The following POU2F1 variants were observed in gnomAD, a reference collection of about 807,000 sequenced individuals.
The protein encoded by POU2F1 is POU class 2 homeobox 1.
Under a neutral mutation model 84.9 loss-of-function variants are expected in POU2F1, and 16 were observed. That is an observed-to-expected ratio of 0.19 (90% CI 0.13 to 0.29). The LOEUF (loss-of-function observed/expected upper bound fraction) is 0.29. POU2F1 is among the 10% of genes least tolerant of loss of function. The pLI, the probability that POU2F1 is intolerant of heterozygous loss-of-function variation, is 1.00. For missense variants in POU2F1, 738 were observed against 942.6 expected (o/e 0.78, Z 2.84); for synonymous variants, 368 against 368.3 (o/e 1.00, Z 0.01).
intron 2 of POU2F1, among the ~76,000 whole-genome samples, chr1:167,348,947 ATATCT>A (rs376680780): frequency 3.9e-5 from 6 of 151,956 alleles, no homozygotes; most frequent in African/African-American, 1.4e-4. Flanking sequence ...CTTTTCATAG[ATATCT>A]TATTTTTTTT....
intron 13 of POU2F1, among the ~76,000 whole-genome samples, chr1:167,411,152 G>A (rs1192037850): frequency 6.6e-6 from 1 of 151,404 alleles, no homozygotes; most frequent in African/African-American, 2.4e-5. Flanking sequence ...CGATTCTCCT[G>A]CCTTAGCCTC....
chr1:167,340,432 T>G (rs1391995986), intron 2 of POU2F1, among the ~76,000 whole-genome samples: 1 of 95,114 alleles, frequency 1.1e-5, no homozygotes, highest in East Asian at 2.4e-4. Context: ...TCTTTTTTTC[T>G]TTTTTTTTTT....
chr1:167,415,024 G>A (rs1204608897), intron 15 of POU2F1, among the ~76,000 whole-genome samples: 2 of 152,116 alleles, frequency 1.3e-5, no homozygotes, highest in African/African-American at 2.4e-5. Flanking sequence ...ATCTAATGCC[G>A]CCACTGATCT....
At chr1:167,350,796 C>G (rs1399374906) in intron 2 of POU2F1, among the ~76,000 whole-genome samples, 3 of 151,898 alleles carry the variant, frequency 2.0e-5, no homozygotes, top group African/African-American at 7.3e-5. Flanking sequence ...GTCGGGAGTT[C>G]GAGACCAGCC....
chr1:167,312,426 T>A (rs1042171078), intron 1 of POU2F1, among the ~76,000 whole-genome samples: 1 of 151,972 alleles, frequency 6.6e-6, no homozygotes, highest in Non-Finnish European at 1.5e-5. Flanking sequence ...TTTCATCTCG[T>A]TTGTTGTTGG....
chr1:167,376,202 C>T (rs761966415), intron 7 of POU2F1, 47 bp downstream of exon 7: 2 of 1,586,012 alleles, frequency 1.3e-6, no homozygotes, highest in Non-Finnish European at 8.6e-7. Context: ...AGGCTGTTCG[C>T]TGAATGTTAC....
At position 167,416,858 on chromosome 1, in the gene POU2F1, C is replaced by T. The variant is rs1250255734; in HGVS notation, c.*1048C>T. ...ATGTTGCAGGGCAGGATTTGGTTCC[C>T]AAGAGCAAAGACTACTGCAGACACC... On this transcript the variant is annotated 3_prime_UTR_variant, in exon 16 of 16. Coordinates refer to ENST00000367866, the MANE Select transcript of POU2F1 (RefSeq NM_002697.4). The T allele has an allele frequency of 2.6e-5, 4 of 152,194 alleles. No individual in the cohort carries two copies. The highest frequency in any genetic ancestry group is 6.5e-5 in the Admixed American group (1 of 15,282). 9.4% of individuals were successfully genotyped at this position (152,194 alleles called of 1,614,324 possible). A position where few individuals can be genotyped will look rare whatever the true frequency, so the allele number is the denominator to read the frequency against.
chr1:167,259,375 A>G (rs1204794035), intron 1 of POU2F1, among the ~76,000 whole-genome samples: 2 of 152,194 alleles, frequency 1.3e-5, no homozygotes, highest in East Asian at 1.9e-4. Context: ...AGTAACTGCA[A>G]CCAGTTTAGT....
intron 2 of POU2F1, among the ~76,000 whole-genome samples, chr1:167,349,054 C>A (rs373147815): frequency 8.7e-4 from 132 of 152,208 alleles, no homozygotes; most frequent in African/African-American, 3.2e-3. Context: ...GACTTTGTAA[C>A]CCTAGGACCT....
chr1:167,405,514 CAA>C (rs776024958), intron 13 of POU2F1, among the ~76,000 whole-genome samples: 10 of 88,170 alleles, frequency 1.1e-4, no homozygotes, highest in Admixed American at 1.2e-4. Flanking sequence ...CTTGTCTCTA[CAA>C]AAAAAAAAAA....
In POU2F1 at chr1:167,427,130, G is replaced by A. The variant is rs980780781; in HGVS notation, c.*11320G>A. 3.3e-5 allele frequency: 5 copies of A among 152,148 alleles called. No individual in the cohort carries two copies. Among genetic ancestry groups the A allele is most frequent in the Non-Finnish European group, 5.9e-5 (4 of 68,024 alleles). 9.4% of individuals were successfully genotyped at this position (152,148 alleles called of 1,614,324 possible). On this transcript the variant is annotated 3_prime_UTR_variant, in exon 16 of 16. Coordinates refer to ENST00000367866, the MANE Select transcript of POU2F1 (RefSeq NM_002697.4). ...GAGCGGTGCTGTCTCTCTCAAAAGT[G>A]CCCTTTAGATGATTCCCCCTCCTAG...
chr1:167,312,349 A>C lies in POU2F1; in HGVS notation c.62-20121A>C, dbSNP rs1655557682. Among the ~76,000 whole-genome samples, 2 of 151,482 alleles carry C rather than the reference A, an allele frequency of 1.3e-5. 1 individual carries two copies. Among genetic ancestry groups the C allele is most frequent in the South Asian group, 4.2e-4 (2 of 4,800 alleles). On this transcript the variant is annotated intron_variant, in intron 1 of 15. Coordinates refer to ENST00000367866, the MANE Select transcript of POU2F1 (RefSeq NM_002697.4). ...TCCCGGTCTCCTGCCTCAGCATCCC[A>C]AGTAGTGGAATTACAAGCATGTGCC...
intron 1 of POU2F1, among the ~76,000 whole-genome samples, chr1:167,224,579 A>C (rs573402590): frequency 1.3e-5 from 2 of 152,172 alleles, no homozygotes; most frequent in Non-Finnish European, 2.9e-5. Flanking sequence ...AATTTTTGAC[A>C]TATTAATAGA....
Position 167,413,133 on chromosome 1 carries a change from C to G in POU2F1, c.1990+19C>G, listed in dbSNP as rs1369616460. On this transcript the variant is annotated intron_variant, in intron 15 of 15. Transcript: ENST00000367866. ...ATTCAAGGTCAGTAGAAGCCTTTTT[C>G]TTAATTTGGTGGCATGCACGTGTGT... is the stretch of plus-strand genomic sequence containing the variant. The G allele has an allele frequency of 6.3e-7, 1 of 1,589,420 alleles. No individual in the cohort carries two copies. Among genetic ancestry groups the G allele is most frequent in the Admixed American group, 1.7e-5 (1 of 59,518 alleles).
chr1:167,408,758 A>T (rs780091138), intron 13 of POU2F1, among the ~76,000 whole-genome samples: 78 of 152,232 alleles, frequency 5.1e-4, no homozygotes, highest in Non-Finnish European at 9.8e-4. Context: ...CTGGATTGTG[A>T]TGATGGTTGT....
chr1:167,363,942 C>T (rs1334018431), intron 2 of POU2F1, among the ~76,000 whole-genome samples: 1 of 152,154 alleles, frequency 6.6e-6, no homozygotes, highest in Non-Finnish European at 1.5e-5. Flanking sequence ...ACTTTGTGCT[C>T]TTCTGACTGG....
chr1:167,293,580 A>G (rs952711539), intron 1 of POU2F1, among the ~76,000 whole-genome samples: 1 of 152,144 alleles, frequency 6.6e-6, no homozygotes, highest in Non-Finnish European at 1.5e-5. Flanking sequence ...TACCAACATC[A>G]TTTTTCATGG....
At chr1:167,297,547 G>T (rs1022458467) in intron 1 of POU2F1, among the ~76,000 whole-genome samples, 1 of 152,140 alleles carries the variant, frequency 6.6e-6, no homozygotes, top group Non-Finnish European at 1.5e-5. Flanking sequence ...AAAGGTTCAG[G>T]AGCTCTGTCC....
chr1:167,318,003 T>C (rs536461006), intron 1 of POU2F1, among the ~76,000 whole-genome samples: 2 of 152,056 alleles, frequency 1.3e-5, no homozygotes, highest in Non-Finnish European at 2.9e-5. Context: ...TCTCCAAGAG[T>C]TTTTATCCAT....
Sources: gnomAD v4.1 joint callset for allele counts (sites outside exome capture counted in the v4.1 genomes callset) on GRCh38, gnomAD v4.1.1 for gene constraint, MANE v1.5 for transcripts, NCBI Gene and HGNC (gene_info 2026-07-23, HGNC 2026-07-21) for gene names.